MIPEP: variants seen among roughly 807,000 people sequenced by gnomAD.
MIPEP encodes mitochondrial intermediate peptidase.
MIPEP carries 79 observed loss-of-function variants against 90.3 expected under a neutral mutation model. The ratio of observed to expected loss-of-function variants is 0.87; its 90% confidence interval spans 0.73 to 1.05. The LOEUF (loss-of-function observed/expected upper bound fraction) is 1.05, where lower values mean the gene tolerates loss of function less well. MIPEP is among the 50% of genes least tolerant of loss of function. The pLI is 0.00. For synonymous variants in MIPEP, 334 were observed against 315.8 expected (o/e 1.06, Z -0.61); for missense variants, 940 against 905.6 (o/e 1.04, Z -0.49).
chr13:23,850,122 G>A (rs908708220), intron 10 of MIPEP, among the ~76,000 whole-genome samples: 2 of 152,168 alleles, frequency 1.3e-5, no homozygotes, highest in East Asian at 1.9e-4. Flanking sequence ...ACGTGTGGGC[G>A]AGGAAAAAAT....
intron 16 of MIPEP, among the ~76,000 whole-genome samples, chr13:23,797,264 T>C (rs1397180391): frequency 6.6e-6 from 1 of 152,064 alleles, no homozygotes; most frequent in Non-Finnish European, 1.5e-5. Context: ...GTTAGTACCT[T>C]CACTAGACTA....
chr13:23,826,014 A>G (rs927919540), intron 14 of MIPEP, among the ~76,000 whole-genome samples: 2 of 152,154 alleles, frequency 1.3e-5, no homozygotes, highest in African/African-American at 4.8e-5. Context: ...TCAAAAATCA[A>G]TTGGCTATAT....
At chr13:23,849,676 G>A (rs780451446) in intron 10 of MIPEP, among the ~76,000 whole-genome samples, 122 of 152,184 alleles carry the variant, frequency 8.0e-4, no homozygotes, top group Admixed American at 2.2e-3. Context: ...ATTTAGTAAT[G>A]TATCAAAATC....
intron 16 of MIPEP, among the ~76,000 whole-genome samples, chr13:23,774,196 A>T (rs1593145899): frequency 6.6e-6 from 1 of 151,890 alleles, no homozygotes; most frequent in African/African-American, 2.4e-5. Context: ...TCTTTCCCCA[A>T]TTAGTTGTCA....
intron 2 of MIPEP, among the ~76,000 whole-genome samples, chr13:23,885,065 A>G (rs971085647): frequency 6.6e-6 from 1 of 152,242 alleles, no homozygotes; most frequent in African/African-American, 2.4e-5. Context: ...GTCCATGAAC[A>G]GATGAATGGA....
At chr13:23,779,883 T>C (rs1185056935) in intron 16 of MIPEP, among the ~76,000 whole-genome samples, 1 of 152,194 alleles carries the variant, frequency 6.6e-6, no homozygotes, top group African/African-American at 2.4e-5. Flanking sequence ...CTGAGATTGA[T>C]CTGCAAGGCA....
chr13:23,784,025 C>A (rs1429462300), intron 16 of MIPEP, among the ~76,000 whole-genome samples: 1 of 152,026 alleles, frequency 6.6e-6, no homozygotes, highest in African/African-American at 2.4e-5. Flanking sequence ...GGCCATACTG[C>A]CCAAGATAAT....
intron 16 of MIPEP, among the ~76,000 whole-genome samples, chr13:23,775,595 T>C (rs778778375): frequency 6.6e-6 from 1 of 152,184 alleles, no homozygotes; most frequent in East Asian, 1.9e-4. Flanking sequence ...GTAGGGTCTA[T>C]GTGCATATAT....
chr13:23,796,855 T>C (rs1952968605), intron 16 of MIPEP, among the ~76,000 whole-genome samples: 1 of 152,178 alleles, frequency 6.6e-6, no homozygotes, highest in Admixed American at 6.5e-5. Context: ...TCTCTAGAAA[T>C]CAAGCAATCT....
intron 10 of MIPEP, among the ~76,000 whole-genome samples, chr13:23,849,108 T>A (rs1181363866): frequency 1.3e-5 from 2 of 152,230 alleles, no homozygotes; most frequent in Admixed American, 6.5e-5. Flanking sequence ...AGGCTCATCA[T>A]GTGGCTCCGC....
intron 14 of MIPEP, among the ~76,000 whole-genome samples, chr13:23,834,739 TG>T (rs1868948271): frequency 6.6e-6 from 1 of 152,162 alleles, no homozygotes; most frequent in Admixed American, 6.5e-5. Flanking sequence ...AGGGCCCTCG[TG>T]GCCCTGCCTG....
At chr13:23,881,404 C>T (rs1871264193) in intron 3 of MIPEP, among the ~76,000 whole-genome samples, 2 of 152,342 alleles carry the variant, frequency 1.3e-5, no homozygotes, top group South Asian at 4.1e-4. Context: ...GACACCTTTA[C>T]ATTGATCTCA....
chr13:23,760,267 G>C (rs1952528059), intron 16 of MIPEP, 50 bp from the exon 17 acceptor site: 1 of 1,612,510 alleles, frequency 6.2e-7, no homozygotes, highest in African/African-American at 1.3e-5. Flanking sequence ...GTTTCCACTT[G>C]GAGAATATCA....
intron 9 of MIPEP, among the ~76,000 whole-genome samples, chr13:23,861,469 G>A (rs914113662): frequency 1.3e-5 from 2 of 152,136 alleles, no homozygotes; most frequent in Non-Finnish European, 2.9e-5. Flanking sequence ...TAAATTAACA[G>A]ACTGACATGC....
At chr13:23,787,336 C>T (rs1312186120) in intron 16 of MIPEP, among the ~76,000 whole-genome samples, 3 of 151,558 alleles carry the variant, frequency 2.0e-5, no homozygotes, top group African/African-American at 7.3e-5. Flanking sequence ...GTGGAGATGG[C>T]AGTTTGCTTG....
intron 2 of MIPEP, among the ~76,000 whole-genome samples, chr13:23,883,282 T>C (rs565109528): frequency 7.2e-5 from 11 of 151,968 alleles, no homozygotes; most frequent in Admixed American, 1.3e-4. Flanking sequence ...AAATAAGATA[T>C]AGCGCAGAGA....
chr13:23,805,087 T>C (rs1474512149), intron 16 of MIPEP, among the ~76,000 whole-genome samples: 1 of 152,220 alleles, frequency 6.6e-6, no homozygotes, highest in Non-Finnish European at 1.5e-5. Flanking sequence ...CCTATACCCC[T>C]GCACCTTTCA....
chr13:23,860,363 G>A (rs765619461), intron 9 of MIPEP, among the ~76,000 whole-genome samples: 6 of 152,166 alleles, frequency 3.9e-5, no homozygotes, highest in South Asian at 2.1e-4. Context: ...TGGCCGGCAC[G>A]TAAATATTAA....
intron 14 of MIPEP, among the ~76,000 whole-genome samples, chr13:23,833,662 T>C (rs1359654323): frequency 6.6e-6 from 1 of 152,224 alleles, no homozygotes; most frequent in Non-Finnish European, 1.5e-5. Flanking sequence ...CTGGTTGTTC[T>C]ATAAGTAGAT....
Sources: gnomAD v4.1 joint callset for allele counts (sites outside exome capture counted in the v4.1 genomes callset) on GRCh38, gnomAD v4.1.1 for gene constraint, MANE v1.5 for transcripts, NCBI Gene and HGNC (gene_info 2026-07-23, HGNC 2026-07-21) for gene names.